MYO18B: variants seen among roughly 807,000 people sequenced by gnomAD.
MYO18B encodes the protein myosin XVIIIB.
In MYO18B, 204 loss-of-function variants were observed where a neutral mutation model predicts 273.0. The ratio of observed to expected loss-of-function variants is 0.75; its 90% CI spans 0.67 to 0.84. MYO18B has a LOEUF of 0.84. Ranked by LOEUF, MYO18B falls within the 40% of genes least tolerant of loss-of-function variation. The pLI is 0.00. For synonymous variants in MYO18B, 1,330 were observed against 1,305.7 expected (o/e 1.02, Z -0.40); for missense variants, 3,212 against 3,287.6 (o/e 0.98, Z 0.56).
At chr22:25,953,730 G>A (rs923658615) in intron 38 of MYO18B, 3 of 152,178 alleles carry the variant, frequency 2.0e-5, no homozygotes, top group Non-Finnish European at 4.4e-5. Flanking sequence ...TGTGTCTAGC[G>A]TAGTGAAATG....
At chr22:26,005,412 G>T (rs1460338761) in intron 42 of MYO18B, among the ~76,000 whole-genome samples, 1 of 152,114 alleles carries the variant, frequency 6.6e-6, no homozygotes, top group Non-Finnish European at 1.5e-5. Flanking sequence ...CCACAGAAAG[G>T]GATGAATTCA....
In MYO18B at chr22:26,022,270, GAAAAA is replaced by G. The variant is rs11448415; in HGVS notation, c.6471-4165_6471-4161del. Reference sequence around the variant, plus strand: ...CGACCTGGTCCTGTGAGGACAGCTAGAAAAAAAAAAAAAAGACTCTTACTGGTCCC... The same window carrying G: ...CGACCTGGTCCTGTGAGGACAGCTAGAAAAAAAAAGACTCTTACTGGTCCC... On this transcript the variant is annotated intron_variant, in intron 42 of 43. Transcript: ENST00000335473. Among the ~76,000 whole-genome samples, 428 of 138,260 alleles carry G rather than the reference GAAAAA, an allele frequency of 3.1e-3. 16 individuals carry two copies. The South Asian group carries it at 0.076, about 25-fold the overall frequency. The allele number at this position is 138,260 out of a possible 152,430, so 90.7% of individuals were successfully genotyped here.
chr22:26,045,397 TAGTC>T, the MYO18B span, among the ~76,000 whole-genome samples: 5 of 150,306 alleles, frequency 3.3e-5, no homozygotes, highest in Non-Finnish European at 7.4e-5. Context: ...GAAGCAGAAT[TAGTC>T]AGGGAAAGGC....
intron 8 of MYO18B, among the ~76,000 whole-genome samples, chr22:25,778,341 T>A (rs2086998803): frequency 6.6e-6 from 1 of 152,080 alleles, no homozygotes; most frequent in East Asian, 1.9e-4. Flanking sequence ...GCAGGAGGGC[T>A]TTTTTTAGGA....
At chr22:25,828,693 A>T in intron 14 of MYO18B, 83 bp from the exon 15 acceptor site, 1 of 1,400,236 alleles carries the variant, frequency 7.1e-7, no homozygotes, top group Non-Finnish European at 9.8e-7. Flanking sequence ...TGGTTTTGAA[A>T]CCAGTTCTGC....
chr22:25,763,126 A>T, intron 2 of MYO18B, 105 bp from the exon 3 acceptor site: 2 of 1,357,578 alleles, frequency 1.5e-6, no homozygotes, highest in Non-Finnish European at 2.1e-6. Flanking sequence ...TTGGTCATGT[A>T]TGTCTCCTCC....
Position 25,797,882 on chromosome 22 carries a change from C to A in MYO18B, c.2377-71C>A. 3 of 1,607,004 alleles carry A rather than the reference C, an allele frequency of 1.9e-6. No individual in the cohort carries two copies. The East Asian group carries it at 6.7e-5, about 36-fold the overall frequency. On this transcript the variant is annotated intron_variant, in intron 11 of 43. Coordinates refer to ENST00000335473, the MANE Select transcript of MYO18B (RefSeq NM_032608.7). Reference sequence around the variant, plus strand: ...CGCATTCCTTCGAGACGGAGCTCAGCTTCAAGTTGTGAGCTTGTGTTTTCT... The same window carrying A: ...CGCATTCCTTCGAGACGGAGCTCAGATTCAAGTTGTGAGCTTGTGTTTTCT...
At chr22:25,823,917 G>C (rs1419412300) in intron 13 of MYO18B, among the ~76,000 whole-genome samples, 1 of 152,174 alleles carries the variant, frequency 6.6e-6, no homozygotes, top group African/African-American at 2.4e-5. Context: ...GGAGCCCCGC[G>C]CTGTGGGGAG....
At chr22:25,927,700 T>C (rs1020640870) in intron 34 of MYO18B, among the ~76,000 whole-genome samples, 4 of 151,910 alleles carry the variant, frequency 2.6e-5, no homozygotes, top group African/African-American at 9.7e-5. Context: ...TAATAAAAAC[T>C]TGCTGGTTTT....
chr22:26,042,524 G>A, the MYO18B span, among the ~76,000 whole-genome samples: 5 of 152,322 alleles, frequency 3.3e-5, no homozygotes, highest in East Asian at 7.7e-4. Flanking sequence ...ATTTCATAGA[G>A]AGGCAGAATT....
intron 40 of MYO18B, among the ~76,000 whole-genome samples, chr22:25,996,417 G>T (rs1933251612): frequency 6.6e-6 from 1 of 152,188 alleles, no homozygotes; most frequent in African/African-American, 2.4e-5. Context: ...ATGAAGAGAG[G>T]TTGAGTAACT....
the MYO18B span, among the ~76,000 whole-genome samples, chr22:26,058,710 T>A: frequency 6.6e-6 from 1 of 152,150 alleles, no homozygotes; most frequent in South Asian, 2.1e-4. Context: ...CCTGCCTCTC[T>A]CTCTTTCTTC....
intron 33 of MYO18B, among the ~76,000 whole-genome samples, chr22:25,916,915 C>T (rs921379815): frequency 1.3e-5 from 2 of 152,022 alleles, no homozygotes; most frequent in Non-Finnish European, 2.9e-5. Flanking sequence ...ACCTGTAATC[C>T]CAGCTGCTCA....
chr22:25,901,305 C>T (rs1445250712), intron 29 of MYO18B: 1 of 152,278 alleles, frequency 6.6e-6, no homozygotes, highest in Non-Finnish European at 1.5e-5. Context: ...ATCTCTGGAA[C>T]AATGGGACTT....
chr22:25,989,626 C>CAAAAA (rs56004208), intron 39 of MYO18B, among the ~76,000 whole-genome samples: 2 of 88,606 alleles, frequency 2.3e-5, no homozygotes, highest in Non-Finnish European at 2.0e-5. Flanking sequence ...ACTAAAAATA[C>CAAAAA]AAAAAAAAAA....
intron 29 of MYO18B, chr22:25,901,640 A>G (rs1027333339): frequency 6.6e-6 from 1 of 152,178 alleles, no homozygotes; most frequent in African/African-American, 2.4e-5. Flanking sequence ...ATATGAGAGT[A>G]TAAGCCAGAC....
At chr22:25,771,246 C>A (rs1395646744) in intron 6 of MYO18B, among the ~76,000 whole-genome samples, 5 of 152,162 alleles carry the variant, frequency 3.3e-5, no homozygotes, top group Admixed American at 1.3e-4. Flanking sequence ...TTTGTCAGGT[C>A]TTGGCCCTGG....
chr22:25,948,195 G>A (rs557819334), intron 36 of MYO18B, among the ~76,000 whole-genome samples: 10 of 151,724 alleles, frequency 6.6e-5, no homozygotes, highest in Middle Eastern at 3.4e-3. Context: ...CCATCCATCC[G>A]TCCATCCAAT....
At chr22:25,832,037 T>C (rs2089725586) in intron 15 of MYO18B, among the ~76,000 whole-genome samples, 1 of 151,762 alleles carries the variant, frequency 6.6e-6, no homozygotes, top group Non-Finnish European at 1.5e-5. Flanking sequence ...GAAATGCAAA[T>C]CCAAACCACA....
Sources: gnomAD v4.1 joint callset for allele counts (sites outside exome capture counted in the v4.1 genomes callset) on GRCh38, gnomAD v4.1.1 for gene constraint, MANE v1.5 for transcripts, NCBI Gene and HGNC (gene_info 2026-07-23, HGNC 2026-07-21) for gene names.